The following NFYC variants were observed in gnomAD, a reference collection of about 807,000 sequenced individuals.
The protein encoded by NFYC is CAAT box DNA-binding protein subunit C.
NFYC carries 25 observed loss-of-function variants against 53.1 expected under a neutral mutation model. That is an observed-to-expected ratio of 0.47 (90% CI 0.34 to 0.66). NFYC has a LOEUF of 0.66. Among genes scored for constraint, NFYC ranks in the 30% least tolerant of loss-of-function variants. NFYC has a pLI of 0.01. For missense variants in NFYC, 260 were observed against 422.7 expected, an observed-to-expected ratio of 0.62 and a Z score of 3.38; for synonymous variants, 145 against 152.6, an observed-to-expected ratio of 0.95 and a Z score of 0.37.
At chr1:40,738,475 T>C (rs1364820921) in intron 1 of NFYC, among the ~76,000 whole-genome samples, 1 of 152,188 alleles carries the variant, frequency 6.6e-6, no homozygotes, top group Non-Finnish European at 1.5e-5. Context: ...AAGAATGGCA[T>C]TGAAAATTAT....
At chr1:40,766,555 C>T in intron 7 of NFYC, 41 bp from the exon 8 acceptor site, 8 of 1,464,566 alleles carry the variant, frequency 5.5e-6, no homozygotes, top group Non-Finnish European at 7.5e-6. Context: ...TGAGATTATA[C>T]TCAATGTCTT....
At chr1:40,693,009 G>GT (rs1218831389) in intron 1 of NFYC, among the ~76,000 whole-genome samples, 5 of 152,188 alleles carry the variant, frequency 3.3e-5, no homozygotes, top group Non-Finnish European at 7.3e-5. Context: ...GTAGTTGGTA[G>GT]TTATTTGTTG....
intron 1 of NFYC, among the ~76,000 whole-genome samples, chr1:40,707,242 C>A (rs1172008451): frequency 6.6e-6 from 1 of 151,584 alleles, no homozygotes; most frequent in Admixed American, 6.6e-5. Flanking sequence ...TCCTGTAATC[C>A]CAGCACTTCA....
intron 7 of NFYC, chr1:40,763,374 TG>T (rs1186307156): frequency 1.8e-5 from 8 of 455,426 alleles, no homozygotes; most frequent in Admixed American, 1.6e-4. Context: ...AGACAGGTCT[TG>T]CTGTGTCACT....
intron 2 of NFYC, among the ~76,000 whole-genome samples, chr1:40,743,627 T>C (rs1404057845): frequency 6.6e-6 from 1 of 152,230 alleles, no homozygotes; most frequent in Admixed American, 6.5e-5. Flanking sequence ...TGCCTCCTGA[T>C]TGGGTGATGA....
At position 40,763,789 on chromosome 1, in the gene NFYC, G is replaced by A. The variant is rs192746249; in HGVS notation, c.720+743G>A. Among the ~76,000 whole-genome samples, 4 of 152,320 alleles carry A rather than the reference G, an allele frequency of 2.6e-5. No homozygotes were observed. The East Asian group carries it at 7.7e-4, about 29-fold the overall frequency. On this transcript the variant is annotated intron_variant, in intron 7 of 9. Transcript: ENST00000447388. ...GGTTCAGGTTCACCACGATTGGGCG[G>A]CTTCTCTCGATTTCCCCTCATTCTA...
At chr1:40,708,437 A>G (rs1196810783) in intron 1 of NFYC, among the ~76,000 whole-genome samples, 3 of 152,210 alleles carry the variant, frequency 2.0e-5, no homozygotes, top group Admixed American at 2.0e-4. Context: ...GCTGGGGAGT[A>G]TCCTGGAACC....
chr1:40,767,919 T>A (rs1433818389), intron 8 of NFYC, among the ~76,000 whole-genome samples: 4 of 152,070 alleles, frequency 2.6e-5, no homozygotes, highest in Non-Finnish European at 4.4e-5. Context: ...GAGGTTGCAG[T>A]GAGCTGAGAT....
chr1:40,703,480 T>TAAAAAAAAAAAAAAAAAAAAAAA (rs57102599), intron 1 of NFYC, among the ~76,000 whole-genome samples: 3 of 97,734 alleles, frequency 3.1e-5, no homozygotes, highest in East Asian at 2.6e-4. Flanking sequence ...CAATTAGCCC[T>TAAAAAAAAAAAAAAAAAAAAAAA]AAAAAAAAAA....
At chr1:40,717,625 C>G (rs1161478012) in intron 1 of NFYC, among the ~76,000 whole-genome samples, 1 of 152,178 alleles carries the variant, frequency 6.6e-6, no homozygotes, top group Non-Finnish European at 1.5e-5. Context: ...ACTAGAAATA[C>G]TTCCTTAGAA....
At chr1:40,747,245 A>AG (rs1645658607) in intron 2 of NFYC, among the ~76,000 whole-genome samples, 3 of 734 alleles carry the variant, frequency 4.1e-3, no homozygotes, top group East Asian at 0.1. Context: ...TGTGCTGACG[A>AG]AAAAAAAAAA....
intron 1 of NFYC, chr1:40,692,119 G>T: frequency 5.0e-6 from 1 of 198,106 alleles, no homozygotes; most frequent in South Asian, 5.0e-5. Flanking sequence ...GGCGACGGCG[G>T]GGGGGCTCGC....
At chr1:40,729,573 G>A (rs529475325) in intron 1 of NFYC, among the ~76,000 whole-genome samples, 8 of 152,212 alleles carry the variant, frequency 5.3e-5, no homozygotes, top group African/African-American at 1.7e-4. Context: ...TTATTTGTGT[G>A]TTCACTGGAG....
chr1:40,719,130 A>G (rs1213241782), intron 1 of NFYC, among the ~76,000 whole-genome samples: 1 of 152,134 alleles, frequency 6.6e-6, no homozygotes, highest in Non-Finnish European at 1.5e-5. Flanking sequence ...CAGCCTCCCA[A>G]AGTGCTGGGA....
intron 5 of NFYC, among the ~76,000 whole-genome samples, chr1:40,753,777 G>C (rs1021335651): frequency 6.6e-6 from 1 of 152,170 alleles, no homozygotes; most frequent in African/African-American, 2.4e-5. Context: ...TCTCATGATG[G>C]AGCCCAGGCA....
At position 40,769,668 on chromosome 1, in the gene NFYC, A is replaced by T. The variant is rs773605846; in HGVS notation, c.888+253A>T. On this transcript the variant is annotated intron_variant, in intron 9 of 9. Transcript: ENST00000447388. The stretch of plus-strand genomic sequence containing the variant: ...TACAGATGAGTAAACTGAACCCTGG[A>T]GATGGGAAGTGCCTTGTCCATGCTC... 3.3e-4 allele frequency among the ~76,000 whole-genome samples: 50 copies of T among 152,190 alleles called. No homozygotes were observed. Among genetic ancestry groups the T allele is most frequent in the Non-Finnish European group, 1.5e-4 (10 of 68,042 alleles).
chr1:40,746,646 C>T (rs1428574907), intron 2 of NFYC, among the ~76,000 whole-genome samples: 1 of 152,158 alleles, frequency 6.6e-6, no homozygotes, highest in Non-Finnish European at 1.5e-5. Flanking sequence ...TGCCTTTGCA[C>T]CTTCCTCTTC....
At chr1:40,725,858 A>G (rs543711171) in intron 1 of NFYC, among the ~76,000 whole-genome samples, 1 of 152,384 alleles carries the variant, frequency 6.6e-6, no homozygotes, top group South Asian at 2.1e-4. Context: ...TTGGTTTCCC[A>G]GTGCAAATAG....
Position 40,762,909 on chromosome 1 carries a change from G to T in NFYC, c.583G>T (p.Val195Phe). 1 of 1,606,660 alleles carries T rather than the reference G, an allele frequency of 6.2e-7. No homozygotes were observed. Among genetic ancestry groups the T allele is most frequent in the Non-Finnish European group, 8.5e-7 (1 of 1,176,012 alleles). ...TCAGACCACACCTGTGACAATGCAG[G>T]TTGGAGAAGGTCAGCAGGTGCAGAT... is the stretch of plus-strand genomic sequence containing the variant. ...QGQTTPVTMQ[V>F]GEGQQVQIVQ... The change falls in exon 7 of 10, where the codon GTT (valine) becomes TTT (phenylalanine). Residue 195 changes from valine (V) to phenylalanine (F), a missense_variant. Transcript: ENST00000447388.
Sources: allele counts gnomAD v4.1 joint callset (sites outside exome capture counted in the v4.1 genomes callset), GRCh38; gene constraint gnomAD v4.1.1; transcripts MANE v1.5; gene names NCBI Gene and HGNC (gene_info 2026-07-23, HGNC 2026-07-21).